MTHFD1: variants seen among roughly 807,000 people sequenced by gnomAD.
MTHFD1 encodes the protein methylenetetrahydrofolate dehydrogenase, cyclohydrolase and formyltetrahydrofolate synthetase 1.
Under a neutral mutation model 110.3 loss-of-function variants are expected in MTHFD1, and 44 were observed. That is an observed-to-expected ratio of 0.40 (90% CI 0.31 to 0.51). The LOEUF (loss-of-function observed/expected upper bound fraction) is 0.51, where lower values mean the gene tolerates loss of function less well. Ranked by LOEUF, MTHFD1 falls within the 20% of genes least tolerant of loss-of-function variation. The probability of loss-of-function intolerance (pLI) is 0.60; values close to 1 mark genes in which losing one functional copy is unlikely to be tolerated. For missense variants in MTHFD1, 909 were observed against 1,173.1 expected (o/e 0.77, Z 3.29); for synonymous variants, 402 against 428.8 (o/e 0.94, Z 0.77).
chr14:64,459,866 A>G lies in MTHFD1; in HGVS notation c.*112A>G, dbSNP rs2078534199. 6.5e-7 allele frequency: 1 copy of G among 1,535,998 alleles called. No homozygotes were observed. The highest frequency in any genetic ancestry group is 8.7e-7 in the Non-Finnish European group (1 of 1,146,870). ...AGCCAAGAGAAGTCAGCCCCTGCCC[A>G]GAAGATCTGAAACTAATAGTAGGAG... On this transcript the variant is annotated 3_prime_UTR_variant, in exon 28 of 28. Transcript: ENST00000652337.
At chr14:64,400,964 T>A (rs1026448365) in intron 2 of MTHFD1, 87 bp downstream of exon 2, 14 of 997,318 alleles carry the variant, frequency 1.4e-5, no homozygotes, top group Admixed American at 4.0e-5. Flanking sequence ...TTCCTCCTTT[T>A]TTTTTGGCTG....
In MTHFD1 at chr14:64,442,366, T is replaced by G. The variant is rs549843421; in HGVS notation, c.2100T>G (p.Thr700=). 11 of 1,614,232 alleles carry G rather than the reference T, an allele frequency of 6.8e-6. No homozygotes were observed. In the African/African-American group the frequency reaches 1.5e-4, roughly 22 times the overall value. Residue 700 remains threonine, a synonymous_variant, in exon 21 of 28, where the codon ACT becomes ACG. Transcript: ENST00000652337. ...CCCACGTGGTGGTGCTTGTTGCCAC[T>G]GTCAGGGCTCTCAAGATGCACGGGG... ...LCPHVVVLVA[T]VRALKMHGGG...
intron 7 of MTHFD1, among the ~76,000 whole-genome samples, chr14:64,418,865 T>C (rs576826926): frequency 1.4e-4 from 21 of 152,270 alleles, no homozygotes; most frequent in Non-Finnish European, 1.0e-4. Flanking sequence ...CTTTGTCTTT[T>C]TTCTTTTGAG....
intron 8 of MTHFD1, chr14:64,424,352 G>T (rs549083339): frequency 2.3e-5 from 5 of 214,854 alleles, no homozygotes; most frequent in Non-Finnish European, 4.7e-5. Context: ...ATGTTGAATT[G>T]TTCCTCCAGC....
In MTHFD1 at chr14:64,442,387, C is replaced by CG. The variant is rs1185178840; in HGVS notation, c.2126dup (p.Gly710ArgfsTer23). 6.2e-7 allele frequency: 1 copy of CG among 1,614,050 alleles called. No homozygotes were observed. Among genetic ancestry groups the CG allele is most frequent in the African/African-American group, 1.3e-5 (1 of 74,936 alleles). The stretch of plus-strand genomic sequence containing the variant: ...CCACTGTCAGGGCTCTCAAGATGCA[C>CG]GGGGGCGGCCCCACGGTGAGTGGTG... On this transcript the variant is annotated frameshift_variant, in exon 21 of 28. Coordinates refer to ENST00000652337, the MANE Select transcript of MTHFD1 (RefSeq NM_005956.4). LOFTEE classifies it high-confidence loss of function.
intron 2 of MTHFD1, among the ~76,000 whole-genome samples, chr14:64,408,975 C>G (rs1045684191): frequency 3.9e-5 from 6 of 151,962 alleles, no homozygotes; most frequent in African/African-American, 1.4e-4. Flanking sequence ...TAAATAAAAC[C>G]TATACTAAGA....
At chr14:64,404,200 T>G (rs1444590953) in intron 2 of MTHFD1, among the ~76,000 whole-genome samples, 5 of 152,252 alleles carry the variant, frequency 3.3e-5, no homozygotes, top group Non-Finnish European at 5.9e-5. Context: ...GGCCAGTGAC[T>G]TCTAAATCTA....
chr14:64,411,767 G>A (rs2077986750), intron 3 of MTHFD1, among the ~76,000 whole-genome samples: 1 of 152,144 alleles, frequency 6.6e-6, no homozygotes, highest in Non-Finnish European at 1.5e-5. Context: ...TGGGTGTGGT[G>A]GCGCATGCCT....
chr14:64,389,950 A>C (rs2077791709), intron 1 of MTHFD1, among the ~76,000 whole-genome samples: 1 of 152,260 alleles, frequency 6.6e-6, no homozygotes, highest in South Asian at 2.1e-4. Flanking sequence ...CATCTGGGCC[A>C]GTACTGAGAA....
chr14:64,431,464 GCAATAGAAT>G (rs1429415853), intron 13 of MTHFD1, 59 bp from the exon 14 acceptor site: 1 of 1,341,786 alleles, frequency 7.5e-7, no homozygotes. Context: ...ATTGAGCTTT[GCAATAGAAT>G]GAAAGTTGGA....
intron 1 of MTHFD1, among the ~76,000 whole-genome samples, chr14:64,392,966 C>T (rs539029424): frequency 6.6e-6 from 1 of 152,276 alleles, no homozygotes; most frequent in South Asian, 2.1e-4. Context: ...CATTTAGCTA[C>T]AGGGCTAGAA....
intron 18 of MTHFD1, chr14:64,440,478 C>A: frequency 1.6e-6 from 1 of 630,846 alleles, no homozygotes; most frequent in Non-Finnish European, 2.8e-6. Context: ...AGTAATAGAT[C>A]ACAAGTTCCA....
At chr14:64,441,721 T>G in intron 19 of MTHFD1, 1 of 548,136 alleles carries the variant, frequency 1.8e-6, no homozygotes, top group Non-Finnish European at 3.3e-6. Context: ...CAGAATGGCG[T>G]GAACCTGGGA....
chr14:64,406,636 G>A (rs1386513880), intron 2 of MTHFD1, among the ~76,000 whole-genome samples: 1 of 151,662 alleles, frequency 6.6e-6, no homozygotes, highest in African/African-American at 2.4e-5. Flanking sequence ...GGGACTACAG[G>A]CATCCAGCTA....
At chr14:64,431,923 A>G in intron 15 of MTHFD1, 62 bp downstream of exon 15, 1 of 1,427,540 alleles carries the variant, frequency 7.0e-7, no homozygotes. Context: ...ATCATTGATT[A>G]GGACATAAAA....
chr14:64,392,393 G>A (rs1254656415), intron 1 of MTHFD1, among the ~76,000 whole-genome samples: 1 of 152,190 alleles, frequency 6.6e-6, no homozygotes, highest in Non-Finnish European at 1.5e-5. Context: ...TTCTATAAGT[G>A]GGCCTTTCAA....
At position 64,442,035 on chromosome 14, in the gene MTHFD1, G is replaced by C. The variant is rs779440457; in HGVS notation, c.1885-19G>C. On this transcript the variant is annotated intron_variant, in intron 19 of 27. Transcript: ENST00000652337. ...AAGCAGGATTGGCAGCTCAGCTCAC[G>C]GTGTCCTGGTTTCCACAGGGCACTC... 6.4e-6 allele frequency: 10 copies of C among 1,556,970 alleles called. No homozygotes were observed. Among genetic ancestry groups the C allele is most frequent in the South Asian group, 5.6e-5 (5 of 89,922 alleles).
intron 2 of MTHFD1, among the ~76,000 whole-genome samples, chr14:64,402,458 T>C (rs2077905058): frequency 6.6e-6 from 1 of 152,200 alleles, no homozygotes; most frequent in Non-Finnish European, 1.5e-5. Context: ...AATTAATTGT[T>C]TCCCTTGAAA....
intron 26 of MTHFD1, among the ~76,000 whole-genome samples, chr14:64,457,025 A>T (rs967335422): frequency 6.6e-6 from 1 of 152,218 alleles, no homozygotes; most frequent in African/African-American, 2.4e-5. Flanking sequence ...AATTTGTCAA[A>T]GCCGAGTCTT....
Sources: gnomAD v4.1 joint callset for allele counts (sites outside exome capture counted in the v4.1 genomes callset) on GRCh38, gnomAD v4.1.1 for gene constraint, MANE v1.5 for transcripts, NCBI Gene and HGNC (gene_info 2026-07-23, HGNC 2026-07-21) for gene names.